The following SLC27A3 variants were observed in gnomAD, a reference collection of about 807,000 sequenced individuals.
SLC27A3 encodes long-chain fatty acid transport protein 3.
SLC27A3 carries 60 observed loss-of-function variants against 60.1 expected under a neutral mutation model. That is an observed-to-expected ratio of 1.00 (90% CI 0.81 to 1.24). SLC27A3 has a LOEUF of 1.24. SLC27A3 is among the 50% of genes most tolerant of loss of function. The pLI is 0.00. For missense variants in SLC27A3, 1,079 were observed against 929.9 expected (o/e 1.16, Z -2.09); for synonymous variants, 455 against 409.0 (o/e 1.11, Z -1.36).
rs761157110 is a variant in SLC27A3, at chr1:153,777,173, A to G, written c.989A>G (p.Tyr330Cys). 2.5e-6 allele frequency: 4 copies of G among 1,613,944 alleles called. No homozygotes were observed. The highest frequency in any genetic ancestry group is 2.2e-5 in the South Asian group (2 of 91,070). The stretch of plus-strand genomic sequence containing the variant: ...GTGATCTACCTCGCCCTCCCACTCT[A>G]CCACATGTCCGGTTCCCTGCTGGGC... ...EDVIYLALPL[Y>C]HMSGSLLGIV... is the part of the protein sequence containing the mutation. Residue 330 changes from tyrosine to cysteine, a missense_variant, in exon 3 of 10, where the codon TAC becomes TGC. By Grantham distance (194) the Tyr-to-Cys change is radical. Transcript: ENST00000624995.
In SLC27A3 at chr1:153,778,729, C is replaced by T. The variant is rs1399471528; in HGVS notation, c.1490C>T (p.Pro497Leu). ...GTGGCCCCGGTAAGCCAGCAGTCCC[C>T]ATTCCTGGGCTATGCTGGCGGGCCA... ...LLVAPVSQQS[P>L]FLGYAGGPEL... The change falls in exon 7 of 10, where the codon CCA becomes CTA. Residue 497 changes from proline (P) to leucine (L), a missense_variant. Physicochemically the swap from Pro to Leu is moderately conservative, Grantham distance 98. Coordinates refer to ENST00000624995, the MANE Select transcript of SLC27A3 (RefSeq NM_024330.4). The T allele has an allele frequency of 6.2e-7, 1 of 1,613,656 alleles. No homozygotes were observed. Among genetic ancestry groups the T allele is most frequent in the Non-Finnish European group, 8.5e-7 (1 of 1,180,026 alleles).
In SLC27A3 at chr1:153,777,078, T is replaced by C; in HGVS notation, c.894T>C (p.Ala298=). ...TSGTTGLPKA[A]RISHLKILQC... is the part of the protein sequence containing the mutation. ...ACCCCACAGGCCTCCCCAAGGCTGCTCGGATCAGTCATCTGAAGATCCTGC... is the reference window on the plus strand; with the variant it reads ...ACCCCACAGGCCTCCCCAAGGCTGCCCGGATCAGTCATCTGAAGATCCTGC... Residue 298 remains alanine, a synonymous_variant, in exon 3 of 10, where the codon GCT becomes GCC. Transcript: ENST00000624995. The C allele has an allele frequency of 6.2e-7, 1 of 1,614,206 alleles. No individual in the cohort carries two copies. Among genetic ancestry groups the C allele is most frequent in the Non-Finnish European group, 8.5e-7 (1 of 1,180,034 alleles).
rs550450198 is a variant in SLC27A3, at chr1:153,776,810, C to T, written c.877+83C>T. On this transcript the variant is annotated intron_variant, in intron 2 of 9. Transcript: ENST00000624995. The stretch of plus-strand genomic sequence containing the variant: ...CTGCTCCCAGACCACTCCTTCAAAG[C>T]CCCCAGAGAGGATGCTGATTTCATT... 152 of 1,331,718 alleles carry T rather than the reference C, an allele frequency of 1.1e-4. No individual in the cohort carries two copies. In the East Asian group the frequency reaches 3.4e-3, roughly 30 times the overall value. The allele number at this position is 1,331,718 out of a possible 1,614,324, so 82.5% of individuals were successfully genotyped here. A position where few individuals can be genotyped will look rare whatever the true frequency, so the allele number is the denominator to read the frequency against.
chr1:153,775,597 G>T lies in SLC27A3; in HGVS notation c.100G>T (p.Ala34Ser), dbSNP rs944542432. 1 of 1,600,396 alleles carries T rather than the reference G, an allele frequency of 6.2e-7. No homozygotes were observed. Among genetic ancestry groups the T allele is most frequent in the Non-Finnish European group, 8.5e-7 (1 of 1,176,028 alleles). Residue 34 changes from alanine to serine, a missense_variant, in exon 1 of 10, where the codon GCC (alanine) becomes TCC (serine). Physicochemically the swap from Ala to Ser is moderately conservative, Grantham distance 99. Coordinates refer to ENST00000624995, the MANE Select transcript of SLC27A3 (RefSeq NM_024330.4). ...GTTGCGCTGGCTTCCGGCGGACTTG[G>T]CCTTTGCGGTGCGAGCTCTGTGCTG... ...PQLRWLPADLAFAVRALCCKR... is the reference protein window; with the variant it reads ...PQLRWLPADLSFAVRALCCKR...
In SLC27A3 at chr1:153,778,730, A is replaced by G; in HGVS notation, c.1491A>G (p.Pro497=). The change falls in exon 7 of 10, where the codon CCA becomes CCG. Residue 497 remains proline (P), a synonymous_variant. Coordinates refer to ENST00000624995, the MANE Select transcript of SLC27A3 (RefSeq NM_024330.4). ...TGGCCCCGGTAAGCCAGCAGTCCCC[A>G]TTCCTGGGCTATGCTGGCGGGCCAG... ...LLVAPVSQQS[P]FLGYAGGPEL... is the part of the protein sequence containing the mutation. 1 of 1,613,678 alleles carries G rather than the reference A, an allele frequency of 6.2e-7. No individual in the cohort carries two copies.
intron 4 of SLC27A3, 137 bp downstream of exon 4, chr1:153,778,022 T>C (rs2101847174): frequency 6.8e-7 from 1 of 1,476,878 alleles, no homozygotes; most frequent in South Asian, 1.3e-5. Flanking sequence ...GAGCCAGAGA[T>C]GGCCTAGGCC....
intron 3 of SLC27A3, 197 bp downstream of exon 3, chr1:153,777,417 C>A: frequency 3.0e-6 from 2 of 672,660 alleles, no homozygotes; most frequent in Non-Finnish European, 2.5e-6. Flanking sequence ...GGCCATACAG[C>A]CACATAACTC....
At position 153,778,825 on chromosome 1, in the gene SLC27A3, T is replaced by G. The variant is rs773063098; in HGVS notation, c.1586T>G (p.Leu529Arg). ...GATGTTTTCTTCAACACTGGGGACC[T>G]GCTGGTCTGCGATGACCAAGGTTTT... ...PGDVFFNTGD[L>R]LVCDDQGFLR... The change falls in exon 7 of 10, where the codon CTG becomes CGG. Residue 529 changes from leucine (L) to arginine (R), a missense_variant. Coordinates refer to ENST00000624995, the MANE Select transcript of SLC27A3 (RefSeq NM_024330.4). 2.5e-6 allele frequency: 4 copies of G among 1,614,186 alleles called. No individual in the cohort carries two copies. The highest frequency in any genetic ancestry group is 2.2e-5 in the South Asian group (2 of 91,084).
chr1:153,778,101 T>C lies in SLC27A3; in HGVS notation c.1162-60T>C, dbSNP rs1254927556. ...GTTCTGGGGAATGGGGAACAGGAAT[T>C]CACTTCCGGGAGCGGGCATCTTGAT... On this transcript the variant is annotated intron_variant, in intron 4 of 9. Transcript: ENST00000624995. 1.9e-5 allele frequency: 30 copies of C among 1,550,922 alleles called. No homozygotes were observed. The Admixed American group carries it at 5.4e-4, about 28-fold the overall frequency.
In SLC27A3 at chr1:153,777,156, C is replaced by T. The variant is rs369567589; in HGVS notation, c.972C>T (p.Tyr324=). 322 of 1,614,148 alleles carry T rather than the reference C, an allele frequency of 2.0e-4. No individual in the cohort carries two copies. The highest frequency in any genetic ancestry group is 2.5e-4 in the Non-Finnish European group (297 of 1,180,050). The change falls in exon 3 of 10, where the codon TAC becomes TAT. Residue 324 remains tyrosine, a synonymous_variant. Coordinates refer to ENST00000624995, the MANE Select transcript of SLC27A3 (RefSeq NM_024330.4). Reference sequence around the variant, plus strand: ...GTGTCCACCAGGAAGATGTGATCTACCTCGCCCTCCCACTCTACCACATGT... The same window carrying T: ...GTGTCCACCAGGAAGATGTGATCTATCTCGCCCTCCCACTCTACCACATGT... ...LCGVHQEDVI[Y]LALPLYHMSG... is the part of the protein sequence containing the mutation.
At position 153,775,511 on chromosome 1, in the gene SLC27A3, T is replaced by C; in HGVS notation, c.14T>C (p.Leu5Pro). Reference protein sequence around the residue: MAALLLLPLLLLLPL... With the variant: MAALPLLPLLLLLPL... ...GAAGCGGGCTCCATGGCTGCCCTCCTGCTGCTGCCCCTGCTGCTGTTGCTA... is the reference window on the plus strand; with the variant it reads ...GAAGCGGGCTCCATGGCTGCCCTCCCGCTGCTGCCCCTGCTGCTGTTGCTA... Residue 5 changes from leucine (L) to proline (P), a missense_variant, in exon 1 of 10, where the codon CTG (leucine) becomes CCG (proline). Transcript: ENST00000624995. 6.2e-7 allele frequency: 1 copy of C among 1,612,092 alleles called. No homozygotes were observed. The highest frequency in any genetic ancestry group is 8.5e-7 in the Non-Finnish European group (1 of 1,179,296).
Position 153,775,959 on chromosome 1 carries a change from C to G in SLC27A3, c.462C>G (p.Ala154=), listed in dbSNP as rs745568857. 1.9e-5 allele frequency: 27 copies of G among 1,442,060 alleles called. No individual in the cohort carries two copies. In the African/African-American group the frequency reaches 3.4e-4, roughly 18 times the overall value. The allele number at this position is 1,442,060 out of a possible 1,614,324, so 89.3% of individuals were successfully genotyped here. ...SGAEFAGGDG[A]ARGGGAAAPL... is the part of the protein sequence containing the mutation. Reference sequence around the variant, plus strand: ...CGGAGTTTGCCGGAGGGGACGGTGCCGCCAGAGGTGGAGGAGCCGCCGCCC... The same window carrying G: ...CGGAGTTTGCCGGAGGGGACGGTGCGGCCAGAGGTGGAGGAGCCGCCGCCC... Residue 154 remains alanine, a synonymous_variant, in exon 1 of 10, where the codon GCC becomes GCG. Coordinates refer to ENST00000624995, the MANE Select transcript of SLC27A3 (RefSeq NM_024330.4).
chr1:153,778,328 T>C lies in SLC27A3; in HGVS notation c.1329T>C (p.Ala443=), dbSNP rs1446559955. 3.7e-6 allele frequency: 6 copies of C among 1,614,054 alleles called. No homozygotes were observed. In the East Asian group the frequency reaches 8.9e-5, roughly 24 times the overall value. ...ATINYTGQRG[A]VGRASWLYKH... ...TCAACTACACAGGACAGCGGGGCGC[T>C]GTGGGGCGTGCTTCCTGGCTTTACA... The change falls in exon 5 of 10, where the codon GCT becomes GCC. Residue 443 remains alanine, a synonymous_variant. Coordinates refer to ENST00000624995, the MANE Select transcript of SLC27A3 (RefSeq NM_024330.4).
chr1:153,775,744 T>G lies in SLC27A3; in HGVS notation c.247T>G (p.Phe83Val). 2.6e-6 allele frequency: 4 copies of G among 1,513,814 alleles called. No individual in the cohort carries two copies. Among genetic ancestry groups the G allele is most frequent in the Middle Eastern group, 1.9e-4 (1 of 5,386 alleles). 93.8% of individuals were successfully genotyped at this position (1,513,814 alleles called of 1,614,324 possible). ...GGCCCAGCAGCGCGCCGCGCACACCTTTCTCATTCACGGCTCGCGGCGCTT... is the reference window on the plus strand; with the variant it reads ...GGCCCAGCAGCGCGCCGCGCACACCGTTCTCATTCACGGCTCGCGGCGCTT... ...ELAQQRAAHT[F>V]LIHGSRRFSY... is the part of the protein sequence containing the mutation. The change falls in exon 1 of 10, where the codon TTT becomes GTT. Residue 83 changes from phenylalanine to valine, a missense_variant. Transcript: ENST00000624995.
chr1:153,779,071 C>T, intron 7 of SLC27A3, 43 bp from the exon 8 acceptor site: 1 of 1,599,490 alleles, frequency 6.3e-7, no homozygotes, highest in African/African-American at 1.3e-5. Context: ...CCCATAAGGC[C>T]CTGACCCCTG....
At chr1:153,779,697 C>T in intron 9 of SLC27A3, 129 bp from the exon 10 acceptor site, 1 of 978,488 alleles carries the variant, frequency 1.0e-6, no homozygotes, top group Non-Finnish European at 1.5e-6. Context: ...TCCCTGTCAC[C>T]TCCTCCCCTA....
chr1:153,776,395 G>A (rs1673226232), intron 1 of SLC27A3, 123 bp from the exon 2 acceptor site: 1 of 1,280,886 alleles, frequency 7.8e-7, no homozygotes, highest in African/African-American at 1.5e-5. Flanking sequence ...GACCCAAGAT[G>A]GAATGTCCAT....
rs757108092 is a variant in SLC27A3, at chr1:153,777,750, A to G, written c.1037-11A>G. The G allele has an allele frequency of 1.3e-4, 211 of 1,613,554 alleles. No individual in the cohort carries two copies. Among genetic ancestry groups the G allele is most frequent in the Non-Finnish European group, 1.7e-4 (204 of 1,179,872 alleles). On this transcript the variant is annotated splice_polypyrimidine_tract_variant and intron_variant, in intron 3 of 9. Transcript: ENST00000624995. ...TTACCTCCCTTCTTCCCCCCTGCCC[A>G]CTTCTGGCAGGGGCCACAGTGGTGC...
chr1:153,775,670 C>G lies in SLC27A3; in HGVS notation c.173C>G (p.Pro58Arg). The stretch of plus-strand genomic sequence containing the variant: ...GCCCTGGCCGCGGCTGCCGCCGACC[C>G]GGAAGGTCCCGAGGGGGGCTGCAGC... Reference protein sequence around the residue: ...ARALAAAAADPEGPEGGCSLA... With the variant: ...ARALAAAAADREGPEGGCSLA... Residue 58 changes from proline (P) to arginine (R), a missense_variant, in exon 1 of 10, where the codon CCG becomes CGG. Coordinates refer to ENST00000624995, the MANE Select transcript of SLC27A3 (RefSeq NM_024330.4). 1 of 1,534,184 alleles carries G rather than the reference C, an allele frequency of 6.5e-7. No homozygotes were observed. The highest frequency in any genetic ancestry group is 8.8e-7 in the Non-Finnish European group (1 of 1,141,560).
Sources: allele counts gnomAD v4.1 joint callset, GRCh38; gene constraint gnomAD v4.1.1; transcripts MANE v1.5; gene names NCBI Gene and HGNC (gene_info 2026-07-23, HGNC 2026-07-21).